LAMA4: variants seen among roughly 807,000 people sequenced by gnomAD.
LAMA4 encodes the protein laminin subunit alpha 4, also known as laminin subunit alpha-4.
Under a neutral mutation model 207.1 loss-of-function variants are expected in LAMA4, and 127 were observed. That is an observed-to-expected ratio of 0.61 (90% CI 0.53 to 0.71). LAMA4 has a LOEUF of 0.71. Among genes scored for constraint, LAMA4 ranks in the 30% least tolerant of loss-of-function variants. The probability of loss-of-function intolerance (pLI) is 0.00; values close to 1 mark genes in which losing one functional copy is unlikely to be tolerated. For missense variants in LAMA4, 2,093 were observed against 2,246.5 expected (o/e 0.93, Z 1.38); for synonymous variants, 761 against 816.0 (o/e 0.93, Z 1.15).
chr6:112,173,067 C>A (rs1405986541), intron 11 of LAMA4, among the ~76,000 whole-genome samples: 1 of 152,018 alleles, frequency 6.6e-6, no homozygotes, highest in Non-Finnish European at 1.5e-5. Context: ...TTTGTGAAAA[C>A]CATATCATTA....
chr6:112,158,654 G>A (rs1209129201), intron 14 of LAMA4, 78 bp downstream of exon 14: 2 of 1,358,908 alleles, frequency 1.5e-6, no homozygotes, highest in African/African-American at 2.9e-5. Flanking sequence ...TATCCCAGTA[G>A]TTCTGACATA....
rs397516726 is a variant in LAMA4, at chr6:112,216,386, G to A, written c.279C>T (p.Asp93=). Residue 93 remains aspartate (D), a synonymous_variant, in exon 3 of 39, where the codon GAC becomes GAT. Transcript: ENST00000230538. ...DCNGNSNECL[D]GSGYCVHCQR... Reference sequence around the variant, plus strand: ...AACTTACCACACAGTATCCTGAGCCGTCCAAACACTCGTTGGAATTGCCAT... The same window carrying A: ...AACTTACCACACAGTATCCTGAGCCATCCAAACACTCGTTGGAATTGCCAT... 3.5e-5 allele frequency: 57 copies of A among 1,612,382 alleles called. No individual in the cohort carries two copies. Among genetic ancestry groups the A allele is most frequent in the Middle Eastern group, 3.3e-4 (2 of 6,080 alleles).
intron 16 of LAMA4, among the ~76,000 whole-genome samples, chr6:112,153,034 T>C (rs947297021): frequency 4.6e-5 from 7 of 152,194 alleles, no homozygotes; most frequent in Admixed American, 2.0e-4. Flanking sequence ...AAATGTTTCA[T>C]AAGAAGTGTG....
In LAMA4 at chr6:112,109,398, CT is replaced by C; in HGVS notation, c.*38del. On this transcript the variant is annotated 3_prime_UTR_variant, in exon 39 of 39. Coordinates refer to ENST00000230538, the MANE Select transcript of LAMA4 (RefSeq NM_001105206.3). The stretch of plus-strand genomic sequence containing the variant: ...CTGGCTTTGTGTTTCTTTCAGTGCT[CT>C]AAAGAACTTTGTATTTGGGCAGCTG... The C allele has an allele frequency of 6.2e-7, 1 of 1,612,120 alleles. No homozygotes were observed. The highest frequency in any genetic ancestry group is 8.5e-7 in the Non-Finnish European group (1 of 1,179,334).
chr6:112,182,624 G>A (rs1426647768), intron 9 of LAMA4, among the ~76,000 whole-genome samples: 1 of 152,152 alleles, frequency 6.6e-6, no homozygotes, highest in Non-Finnish European at 1.5e-5. Flanking sequence ...CTTCTGCTGT[G>A]GTTCAAGGAG....
intron 1 of LAMA4, 55 bp from the exon 2 acceptor site, chr6:112,254,346 C>T (rs1787710230): frequency 4.7e-6 from 3 of 636,360 alleles, no homozygotes; most frequent in Non-Finnish European, 8.3e-6. Flanking sequence ...CCTCTCTCTC[C>T]CTCTCTCTCT....
chr6:112,123,332 T>C (rs1316327528), intron 31 of LAMA4, among the ~76,000 whole-genome samples: 1 of 152,128 alleles, frequency 6.6e-6, no homozygotes, highest in African/African-American at 2.4e-5. Context: ...ATAAGAAAAG[T>C]TCTGGTTGAG....
In LAMA4 at chr6:112,216,462, T is replaced by C. The variant is rs782428669; in HGVS notation, c.203A>G (p.Asn68Ser). The change falls in exon 3 of 39, where the codon AAT becomes AGT. Residue 68 changes from asparagine (N) to serine (S), a missense_variant. Coordinates refer to ENST00000230538, the MANE Select transcript of LAMA4 (RefSeq NM_001105206.3). ...CGACAGGGTGTGAAAGAATCCAGCA[T>C]TGCATTTCTGCAACAGACACACCAA... ...GRLPPAAEKC[N>S]AGFFHTLSGE... 19 of 1,611,790 alleles carry C rather than the reference T, an allele frequency of 1.2e-5. No homozygotes were observed. The highest frequency in any genetic ancestry group is 8.0e-5 in the African/African-American group (6 of 74,882).
rs114958339 is a variant in LAMA4, at chr6:112,192,685, C to T, written c.504-835G>A. 9.1e-3 allele frequency among the ~76,000 whole-genome samples: 1,383 copies of T among 152,340 alleles called. 18 individuals carry two copies. Among genetic ancestry groups the T allele is most frequent in the African/African-American group, 0.032 (1,322 of 41,582 alleles). ...GAGTTGGAGAATGGAGACTGAAATC[C>T]ATCTAGCCTTTGCTTGCCTTGCCAA... On this transcript the variant is annotated intron_variant, in intron 5 of 38. Coordinates refer to ENST00000230538, the MANE Select transcript of LAMA4 (RefSeq NM_001105206.3).
rs782569832 is a variant in LAMA4, at chr6:112,165,215, G to A, written c.1613C>T (p.Ala538Val). Residue 538 changes from alanine (A) to valine (V), a missense_variant, in exon 13 of 39, where the codon GCG (alanine) becomes GTG (valine). Transcript: ENST00000230538. Reference sequence around the variant, plus strand: ...TAGACGAGGTGTTGTCAGAGAGTCCGCAGATGTGCTCAGAGACATGTTCAC... The same window carrying A: ...TAGACGAGGTGTTGTCAGAGAGTCCACAGATGTGCTCAGAGACATGTTCAC... ...EVVNMSLSTS[A>V]DSLTTPRLTL... 25 of 1,613,442 alleles carry A rather than the reference G, an allele frequency of 1.5e-5. No homozygotes were observed. Among genetic ancestry groups the A allele is most frequent in the Middle Eastern group, 3.3e-4 (2 of 6,084 alleles).
At chr6:112,178,358 A>G (rs985549896) in intron 9 of LAMA4, 126 bp from the exon 10 acceptor site, 56 of 720,178 alleles carry the variant, frequency 7.8e-5, no homozygotes, top group South Asian at 6.8e-4. Context: ...TGAAAGTTCT[A>G]TAACACATGA....
Position 112,155,679 on chromosome 6 carries a change from C to T in LAMA4, c.1845G>A (p.Gly615=). 2 of 1,614,112 alleles carry T rather than the reference C, an allele frequency of 1.2e-6. No homozygotes were observed. The highest frequency in any genetic ancestry group is 2.2e-5 in the South Asian group (2 of 91,086). ...SRKLHSSDMN[G]LVQKALDASN... is the part of the protein sequence containing the mutation. The stretch of plus-strand genomic sequence containing the variant: ...ATGCATCCAAAGCCTTCTGTACCAG[C>T]CCGTTCATATCTGAACTGTGCAACT... Residue 615 remains glycine (G), a synonymous_variant, in exon 15 of 39, where the codon GGG becomes GGA. Coordinates refer to ENST00000230538, the MANE Select transcript of LAMA4 (RefSeq NM_001105206.3).
intron 2 of LAMA4, among the ~76,000 whole-genome samples, chr6:112,220,544 G>A (rs144153657): frequency 6.6e-6 from 1 of 152,010 alleles, no homozygotes; most frequent in African/African-American, 2.4e-5. Context: ...CACTGCAGAA[G>A]GAATTATTTC....
intron 19 of LAMA4, 140 bp downstream of exon 19, chr6:112,144,654 A>T: frequency 1.0e-6 from 1 of 999,546 alleles, no homozygotes; most frequent in Non-Finnish European, 1.6e-6. Context: ...ACGTGTTTCT[A>T]ATTAGCAAAT....
At chr6:112,136,598 A>G (rs1554331695) in intron 24 of LAMA4, among the ~76,000 whole-genome samples, 3 of 151,972 alleles carry the variant, frequency 2.0e-5, no homozygotes, top group African/African-American at 7.3e-5. Context: ...GGGCTGAGGC[A>G]AGAGAATCGC....
chr6:112,207,695 T>C (rs1451567715), intron 3 of LAMA4, among the ~76,000 whole-genome samples: 10 of 151,980 alleles, frequency 6.6e-5, no homozygotes, highest in African/African-American at 2.2e-4. Flanking sequence ...GATAGTGACA[T>C]AGAAGAATCA....
chr6:112,254,236 G>T lies in LAMA4; in HGVS notation c.-86C>A. On this transcript the variant is annotated 5_prime_UTR_variant, in exon 2 of 39. Transcript: ENST00000230538. Reference sequence around the variant, plus strand: ...CTCCCGCGTGGTGCGGCGGTGCCTCGCTTATTTTCCCTCCTCTCCGTGTGC... The same window carrying T: ...CTCCCGCGTGGTGCGGCGGTGCCTCTCTTATTTTCCCTCCTCTCCGTGTGC... 1 of 1,552,302 alleles carries T rather than the reference G, an allele frequency of 6.4e-7. No homozygotes were observed. Among genetic ancestry groups the T allele is most frequent in the Non-Finnish European group, 8.8e-7 (1 of 1,133,840 alleles).
chr6:112,163,536 A>G (rs1199488053), intron 13 of LAMA4, among the ~76,000 whole-genome samples: 1 of 151,998 alleles, frequency 6.6e-6, no homozygotes, highest in Non-Finnish European at 1.5e-5. Flanking sequence ...TAGAGGAGGG[A>G]GGGCTGAGAA....
chr6:112,139,966 A>T (rs1241584569), intron 22 of LAMA4, 81 bp from the exon 23 acceptor site: 5 of 1,424,034 alleles, frequency 3.5e-6, no homozygotes, highest in Non-Finnish European at 5.0e-6. Context: ...TGCAACTAAT[A>T]GTAGGTCAAG....
Sources: gnomAD v4.1 joint callset for allele counts (sites outside exome capture counted in the v4.1 genomes callset) on GRCh38, gnomAD v4.1.1 for gene constraint, MANE v1.5 for transcripts, NCBI Gene and HGNC (gene_info 2026-07-23, HGNC 2026-07-21) for gene names.